The following ANKFN1 variants were observed in gnomAD, a reference collection of about 807,000 sequenced individuals.
The protein encoded by ANKFN1 is ankyrin repeat and fibronectin type-III domain-containing protein 1.
ANKFN1 carries 74 observed loss-of-function variants against 108.7 expected under a neutral mutation model. The ratio of observed to expected loss-of-function variants is 0.68; its 90% CI spans 0.56 to 0.83. The LOEUF (loss-of-function observed/expected upper bound fraction) is 0.83, where lower values mean the gene tolerates loss of function less well. Ranked by LOEUF, ANKFN1 falls within the 40% of genes least tolerant of loss-of-function variation. The pLI, the probability that ANKFN1 is intolerant of heterozygous loss-of-function variation, is 0.00. For missense variants in ANKFN1, 1,505 were observed against 1,382.3 expected (o/e 1.09, Z -1.41); for synonymous variants, 547 against 516.2 (o/e 1.06, Z -0.81).
intron 4 of ANKFN1, among the ~76,000 whole-genome samples, chr17:56,138,854 ATTATCT>A (rs916737082): frequency 1.3e-5 from 2 of 152,128 alleles, no homozygotes; most frequent in East Asian, 1.9e-4. Flanking sequence ...TCTAGCAATA[ATTATCT>A]TTATACTCAA....
intron 4 of ANKFN1, among the ~76,000 whole-genome samples, chr17:56,133,570 G>GTA (rs1907414881): frequency 7.8e-6 from 1 of 127,820 alleles, no homozygotes; most frequent in African/African-American, 3.0e-5. Flanking sequence ...GTGTGTGTGT[G>GTA]TGTACACATA....
At chr17:56,393,893 T>C (rs1274735677) in intron 8 of ANKFN1, among the ~76,000 whole-genome samples, 1 of 152,190 alleles carries the variant, frequency 6.6e-6, no homozygotes, top group East Asian at 1.9e-4. Context: ...AGCCAAGCAG[T>C]GCAGGAATTT....
rs1220729619 is a variant in ANKFN1, at chr17:56,515,940, T to C, written c.*4671T>C. Among the ~76,000 whole-genome samples, 1 of 152,254 alleles carries C rather than the reference T, an allele frequency of 6.6e-6. No homozygotes were observed. Among genetic ancestry groups the C allele is most frequent in the Non-Finnish European group, 1.5e-5 (1 of 68,044 alleles). Reference sequence around the variant, plus strand: ...AAAGGAAGTAGATTTGTTGTTGTTTTAAATATTATCATAGGGTCTTTCTCC... The same window carrying C: ...AAAGGAAGTAGATTTGTTGTTGTTTCAAATATTATCATAGGGTCTTTCTCC... On this transcript the variant is annotated 3_prime_UTR_variant, in exon 21 of 21. Coordinates refer to ENST00000682825, the MANE Select transcript of ANKFN1 (RefSeq NM_001370326.1).
chr17:56,409,651 A>C (rs1326105909), intron 8 of ANKFN1, among the ~76,000 whole-genome samples: 1 of 152,180 alleles, frequency 6.6e-6, no homozygotes, highest in Non-Finnish European at 1.5e-5. Flanking sequence ...CTGAGACTCA[A>C]ATGGACTTCA....
intron 4 of ANKFN1, among the ~76,000 whole-genome samples, chr17:56,088,193 C>T (rs528367908): frequency 2.0e-5 from 3 of 151,282 alleles, no homozygotes; most frequent in African/African-American, 7.3e-5. Flanking sequence ...TAACACATCT[C>T]GTTTTTTAGC....
chr17:56,445,197 G>C lies in ANKFN1; in HGVS notation c.1099+2264G>C, dbSNP rs534505556. Among the ~76,000 whole-genome samples the C allele has an allele frequency of 2.0e-5, 3 of 152,342 alleles. No homozygotes were observed. The South Asian group carries it at 6.2e-4, about 32-fold the overall frequency. On this transcript the variant is annotated intron_variant, in intron 10 of 20. Transcript: ENST00000682825. ...GCAGTAGTGTGTGTATATTATGGGA[G>C]TGACAGAAAATGCACAAAAATGCTA...
chr17:56,455,490 A>C (rs1257292186), intron 11 of ANKFN1, among the ~76,000 whole-genome samples: 2 of 152,214 alleles, frequency 1.3e-5, no homozygotes, highest in African/African-American at 4.8e-5. Context: ...AGCCAAAGAC[A>C]CACTGGCCCT....
At chr17:56,454,396 T>C (rs2049610209) in intron 11 of ANKFN1, among the ~76,000 whole-genome samples, 2 of 152,254 alleles carry the variant, frequency 1.3e-5, no homozygotes, top group Non-Finnish European at 2.9e-5. Flanking sequence ...TTTCATTTTA[T>C]ATTTTCTTTC....
At chr17:56,085,799 T>C (rs1905305789) in intron 4 of ANKFN1, among the ~76,000 whole-genome samples, 1 of 151,490 alleles carries the variant, frequency 6.6e-6, no homozygotes, top group East Asian at 1.9e-4. Context: ...CACATGATGA[T>C]GTCATTCTTG....
intron 5 of ANKFN1, among the ~76,000 whole-genome samples, chr17:56,351,733 T>C (rs575839071): frequency 6.6e-6 from 1 of 152,290 alleles, no homozygotes; most frequent in East Asian, 1.9e-4. Flanking sequence ...ATGGCGTAAA[T>C]AGTGGAACTC....
At chr17:56,441,751 A>G (rs955322311) in intron 9 of ANKFN1, among the ~76,000 whole-genome samples, 10 of 152,220 alleles carry the variant, frequency 6.6e-5, no homozygotes, top group Admixed American at 6.5e-4. Flanking sequence ...CACTATTGTA[A>G]TCATATAAAA....
intron 4 of ANKFN1, among the ~76,000 whole-genome samples, chr17:56,095,319 T>G (rs1417895341): frequency 3.3e-5 from 5 of 149,800 alleles, no homozygotes; most frequent in Non-Finnish European, 7.4e-5. Flanking sequence ...TGATACGTGG[T>G]CTTATTCAGG....
At chr17:56,343,505 C>T (rs1251320409) in intron 4 of ANKFN1, among the ~76,000 whole-genome samples, 1 of 151,786 alleles carries the variant, frequency 6.6e-6, no homozygotes, top group Non-Finnish European at 1.5e-5. Context: ...TCTTTTCTCT[C>T]TTGCTATCTT....
At chr17:56,288,438 G>A (rs1341934417) in intron 3 of ANKFN1, among the ~76,000 whole-genome samples, 6 of 151,376 alleles carry the variant, frequency 4.0e-5, no homozygotes, top group Non-Finnish European at 7.4e-5. Flanking sequence ...CTGTTATGCT[G>A]GATTCTGCCA....
chr17:56,469,783 C>A (rs965782414), intron 15 of ANKFN1, among the ~76,000 whole-genome samples: 40 of 149,788 alleles, frequency 2.7e-4, no homozygotes, highest in Non-Finnish European at 4.8e-4. Flanking sequence ...AATTTTTTTT[C>A]TTTTTATTTT....
In ANKFN1 at chr17:56,306,447, A is replaced by G. The variant is rs141865213; in HGVS notation, c.54-19774A>G. Among the ~76,000 whole-genome samples, 837 of 152,344 alleles carry G rather than the reference A, an allele frequency of 5.5e-3. 7 individuals are homozygous for G. Among genetic ancestry groups the G allele is most frequent in the African/African-American group, 0.019 (770 of 41,584 alleles). ...ATACACCAATAACAGACAAACAGAG[A>G]GCCAAATCATGAGTGAACTCCCACT... On this transcript the variant is annotated intron_variant, in intron 3 of 20. Coordinates refer to ENST00000682825, the MANE Select transcript of ANKFN1 (RefSeq NM_001370326.1).
intron 15 of ANKFN1, among the ~76,000 whole-genome samples, chr17:56,470,016 C>T (rs1388614917): frequency 6.6e-6 from 1 of 152,168 alleles, no homozygotes; most frequent in Non-Finnish European, 1.5e-5. Context: ...TCAGCTCTCA[C>T]TTATAAGTGA....
chr17:56,178,687 C>G (rs184146571), intron 1 of ANKFN1, among the ~76,000 whole-genome samples: 1 of 151,810 alleles, frequency 6.6e-6, no homozygotes, highest in Non-Finnish European at 1.5e-5. Context: ...GAATGACATT[C>G]CAGGGGGCAT....
chr17:56,266,705 T>G (rs2043661232), intron 3 of ANKFN1, among the ~76,000 whole-genome samples: 1 of 152,168 alleles, frequency 6.6e-6, no homozygotes, highest in Admixed American at 6.6e-5. Flanking sequence ...TTTCTGCATC[T>G]TTTGTAAATT....
Sources: allele counts gnomAD v4.1 joint callset (sites outside exome capture counted in the v4.1 genomes callset), GRCh38; gene constraint gnomAD v4.1.1; transcripts MANE v1.5; gene names NCBI Gene and HGNC (gene_info 2026-07-23, HGNC 2026-07-21).